Variants in SLC35F4 observed in about 807,000 individuals in gnomAD.
SLC35F4 encodes the protein solute carrier family 35 member F4, also known as chromosome 14 open reading frame 36.
In SLC35F4, 24 loss-of-function variants were observed where a neutral mutation model predicts 44.2. The observed-to-expected ratio is 0.54, with a 90% CI of 0.39 to 0.76. SLC35F4 has a LOEUF of 0.76. Ranked by LOEUF, SLC35F4 falls within the 30% of genes least tolerant of loss-of-function variation. The pLI, the probability that SLC35F4 is intolerant of heterozygous loss-of-function variation, is 0.00. For missense variants in SLC35F4, 562 were observed against 586.1 expected (o/e 0.96, Z 0.42); for synonymous variants, 238 against 223.6 (o/e 1.06, Z -0.57).
At chr14:57,888,022 G>T (rs905786048) in intron 1 of SLC35F4, among the ~76,000 whole-genome samples, 1 of 152,092 alleles carries the variant, frequency 6.6e-6, no homozygotes, top group African/African-American at 2.4e-5. Flanking sequence ...AGTAGCCGCT[G>T]GCATCTCAGT....
At chr14:57,677,675 A>G (rs1448283433) in intron 1 of SLC35F4, among the ~76,000 whole-genome samples, 2 of 152,090 alleles carry the variant, frequency 1.3e-5, no homozygotes, top group Non-Finnish European at 2.9e-5. Context: ...TGATTTTTTA[A>G]ACTTGCCTAT....
intron 1 of SLC35F4, among the ~76,000 whole-genome samples, chr14:57,784,029 C>T (rs1052397081): frequency 1.1e-4 from 17 of 152,250 alleles, no homozygotes; most frequent in African/African-American, 4.1e-4. Context: ...TTTTGTATGA[C>T]TTCACAGGAT....
intron 1 of SLC35F4, among the ~76,000 whole-genome samples, chr14:57,715,120 G>T (rs778197785): frequency 6.6e-6 from 1 of 152,130 alleles, no homozygotes. Context: ...TGAGGGCTCA[G>T]TTAGGGAACT....
intron 1 of SLC35F4, among the ~76,000 whole-genome samples, chr14:57,961,728 G>A (rs1030088120): frequency 1.2e-4 from 19 of 152,100 alleles, no homozygotes; most frequent in Admixed American, 1.2e-3. Context: ...CCATCCCCTG[G>A]ATCTTTGCCC....
intron 4 of SLC35F4, among the ~76,000 whole-genome samples, chr14:57,574,551 G>C (rs73303811): frequency 0.058 from 8,813 of 152,210 alleles, 264 homozygotes; most frequent in African/African-American, 0.067. Context: ...GGCAGGGTGC[G>C]GGTGGAGGGT....
chr14:57,947,282 G>A (rs1480605914), intron 1 of SLC35F4, among the ~76,000 whole-genome samples: 6 of 146,694 alleles, frequency 4.1e-5, no homozygotes, highest in Non-Finnish European at 7.5e-5. Flanking sequence ...TTGTTTGTTT[G>A]TTGGGAGCTG....
In SLC35F4 at chr14:57,578,373, A is replaced by G. The variant is rs904238434; in HGVS notation, c.807+2841T>C. On this transcript the variant is annotated intron_variant, in intron 4 of 7. Transcript: ENST00000556826. ...TTTTTTTTTTTTTTTTGAGTAGTCC[A>G]GTGGGATGACATCTGGAGGGGCTAT... 2.0e-4 allele frequency among the ~76,000 whole-genome samples: 15 copies of G among 74,580 alleles called. 1 individual carries two copies. In the South Asian group the frequency reaches 2.9e-3, roughly 14 times the overall value. 48.9% of individuals were successfully genotyped at this position (74,580 alleles called of 152,430 possible). A position where few individuals can be genotyped will look rare whatever the true frequency, so the allele number is the denominator to read the frequency against.
intron 1 of SLC35F4, among the ~76,000 whole-genome samples, chr14:57,658,681 T>C (rs1447751949): frequency 6.6e-6 from 1 of 152,190 alleles, no homozygotes; most frequent in Non-Finnish European, 1.5e-5. Flanking sequence ...ATGGCTCTCG[T>C]TGCCAAGGTT....
At chr14:57,935,118 TG>T (rs1355387103) in intron 1 of SLC35F4, among the ~76,000 whole-genome samples, 2 of 152,150 alleles carry the variant, frequency 1.3e-5, no homozygotes, top group Non-Finnish European at 2.9e-5. Context: ...AAGCCTCTCT[TG>T]GGGAGGAGTG....
chr14:57,699,090 C>T (rs1261197522), intron 1 of SLC35F4, among the ~76,000 whole-genome samples: 1 of 152,084 alleles, frequency 6.6e-6, no homozygotes. Context: ...TGTAAGTCTG[C>T]CTTCTGTAGG....
intron 1 of SLC35F4, among the ~76,000 whole-genome samples, chr14:57,979,690 G>C (rs1479681809): frequency 6.6e-6 from 1 of 152,242 alleles, no homozygotes; most frequent in East Asian, 1.9e-4. Flanking sequence ...CTGGAAGCCA[G>C]TGCTAAGATG....
intron 1 of SLC35F4, among the ~76,000 whole-genome samples, chr14:57,912,240 T>G (rs990082903): frequency 6.6e-6 from 1 of 151,978 alleles, no homozygotes; most frequent in Non-Finnish European, 1.5e-5. Context: ...TGATTTCCTA[T>G]TTTCAGTATC....
At chr14:57,737,738 G>A (rs1180654553) in intron 1 of SLC35F4, among the ~76,000 whole-genome samples, 1 of 152,162 alleles carries the variant, frequency 6.6e-6, no homozygotes, top group Non-Finnish European at 1.5e-5. Context: ...AAAGAGTGAT[G>A]AAACGCTAAC....
intron 1 of SLC35F4, among the ~76,000 whole-genome samples, chr14:57,971,384 T>C (rs957848630): frequency 4.6e-5 from 7 of 152,322 alleles, no homozygotes; most frequent in Admixed American, 6.5e-5. Flanking sequence ...AGATTCAAAC[T>C]AATAAACTTT....
intron 1 of SLC35F4, among the ~76,000 whole-genome samples, chr14:57,944,686 GAAAGAAAGA>G (rs776036172): frequency 0.066 from 5,961 of 90,512 alleles, 177 homozygotes; most frequent in African/African-American, 0.12. Flanking sequence ...AAAAAGAAAA[GAAAGAAAGA>G]AAAGAAAGAA....
chr14:57,767,214 A>G (rs1294464379), intron 1 of SLC35F4, among the ~76,000 whole-genome samples: 1 of 152,238 alleles, frequency 6.6e-6, no homozygotes, highest in Non-Finnish European at 1.5e-5. Context: ...AGAGGATCTG[A>G]ACAATACAAT....
At chr14:57,586,359 T>TAA (rs1482123257) in intron 3 of SLC35F4, among the ~76,000 whole-genome samples, 1 of 152,066 alleles carries the variant, frequency 6.6e-6, no homozygotes, top group Admixed American at 6.5e-5. Context: ...ACGTAAGACC[T>TAA]AAAACCATAA....
intron 1 of SLC35F4, among the ~76,000 whole-genome samples, chr14:57,962,728 GAAATTTTGTA>G (rs1890361246): frequency 1.3e-5 from 2 of 152,314 alleles, no homozygotes; most frequent in Non-Finnish European, 1.5e-5. Context: ...TCTCCCAGGA[GAAATTTTGTA>G]AAATTTTGTA....
In SLC35F4 at chr14:57,589,391, C is replaced by G; in HGVS notation, c.412G>C (p.Val138Leu). ...GIWGLLIILSVSSSWVGTTQI... is the reference protein window; with the variant it reads ...GIWGLLIILSLSSSWVGTTQI... Reference sequence around the variant, plus strand: ...GTAGTTCCAACCCAAGATGATGATACTGACAAGATGATCAAGAGTCCCCAG... The same window carrying G: ...GTAGTTCCAACCCAAGATGATGATAGTGACAAGATGATCAAGAGTCCCCAG... Residue 138 changes from valine to leucine, a missense_variant, in exon 3 of 8, where the codon GTA becomes CTA. Val to Leu is a conservative substitution (Grantham distance 32, BLOSUM62 1). Transcript: ENST00000556826. The G allele has an allele frequency of 6.2e-7, 1 of 1,613,940 alleles. No individual in the cohort carries two copies.
Sources: allele counts gnomAD v4.1 joint callset (sites outside exome capture counted in the v4.1 genomes callset), GRCh38; gene constraint gnomAD v4.1.1; transcripts MANE v1.5; gene names NCBI Gene and HGNC (gene_info 2026-07-23, HGNC 2026-07-21).